The following DCSTAMP variants were observed in gnomAD, a reference collection of about 807,000 sequenced individuals.
DCSTAMP encodes dendritic cell-specific transmembrane protein.
In DCSTAMP, 25 loss-of-function variants were observed where a neutral mutation model predicts 33.8. That is an observed-to-expected ratio of 0.74 (90% CI 0.54 to 1.03). The LOEUF is 1.03. DCSTAMP is among the 50% of genes least tolerant of loss of function. DCSTAMP has a pLI of 0.00. For synonymous variants in DCSTAMP, 245 were observed against 216.7 expected, an observed-to-expected ratio of 1.13 and a Z score of -1.15; for missense variants, 531 against 556.8, an observed-to-expected ratio of 0.95 and a Z score of 0.47.
chr8:104,348,395 G>A, intron 1 of DCSTAMP, 146 bp from the exon 2 acceptor site: 1 of 779,130 alleles, frequency 1.3e-6, no homozygotes, highest in Non-Finnish European at 2.0e-6. Flanking sequence ...CAAAGAAGCT[G>A]TAAAGTCATA....
At chr8:104,355,765 A>AAC (rs1810609571) in intron 3 of DCSTAMP, among the ~76,000 whole-genome samples, 1 of 152,224 alleles carries the variant, frequency 6.6e-6, no homozygotes, top group Non-Finnish European at 1.5e-5. Flanking sequence ...TAATTCAAAG[A>AAC]ACACACATAT....
chr8:104,352,601 G>GA (rs894729976), intron 2 of DCSTAMP, among the ~76,000 whole-genome samples: 35 of 146,992 alleles, frequency 2.4e-4, no homozygotes, highest in East Asian at 5.9e-4. Flanking sequence ...AGATAGAGGG[G>GA]AAAAAAAAAA....
At position 104,349,526 on chromosome 8, in the gene DCSTAMP, G is replaced by A. The variant is rs768217007; in HGVS notation, c.974G>A (p.Ser325Asn). Residue 325 changes from serine to asparagine, a missense_variant, in exon 2 of 4, where the codon AGC becomes AAC. Ser to Asn is a conservative substitution (Grantham distance 46). Coordinates refer to ENST00000297581, the MANE Select transcript of DCSTAMP (RefSeq NM_030788.4). Reference protein sequence around the residue: ...YLLYRLIFSVSKQFQSLPGFE... With the variant: ...YLLYRLIFSVNKQFQSLPGFE... ...CTGTATCGGCTCATTTTCTCAGTGA[G>A]CAAGCAGTTTCAAAGCTTGCCAGGG... The A allele has an allele frequency of 6.2e-7, 1 of 1,614,036 alleles. No homozygotes were observed.
At chr8:104,342,908 G>T (rs566678918) in intron 1 of DCSTAMP, among the ~76,000 whole-genome samples, 29 of 152,186 alleles carry the variant, frequency 1.9e-4, no homozygotes, top group African/African-American at 1.4e-4. Flanking sequence ...AGGTATTCAC[G>T]ACTGCACGAT....
chr8:104,356,058 G>C, intron 3 of DCSTAMP, 66 bp from the exon 4 acceptor site: 1 of 1,398,000 alleles, frequency 7.2e-7, no homozygotes, highest in Non-Finnish European at 9.8e-7. Flanking sequence ...ATGAAAAATT[G>C]ATGTCAGAGG....
chr8:104,346,702 G>T (rs1810323706), intron 1 of DCSTAMP, among the ~76,000 whole-genome samples: 1 of 152,214 alleles, frequency 6.6e-6, no homozygotes, highest in Non-Finnish European at 1.5e-5. Flanking sequence ...TTTCCATTCA[G>T]ATTATATGGC....
At chr8:104,354,829 G>A (rs1322555474) in intron 2 of DCSTAMP, 48 bp from the exon 3 acceptor site, 2 of 1,280,730 alleles carry the variant, frequency 1.6e-6, no homozygotes, top group African/African-American at 2.9e-5. Flanking sequence ...GACAAGAACT[G>A]AGTACAAAAA....
chr8:104,350,935 T>C lies in DCSTAMP; in HGVS notation c.1029+1354T>C, dbSNP rs577790040. ...AGTAATTCTAATGTGCAGCCAAGAT[T>C]GAGAACCCCTGTTCTAAACCCCTCA... On this transcript the variant is annotated intron_variant, in intron 2 of 3. Coordinates refer to ENST00000297581, the MANE Select transcript of DCSTAMP (RefSeq NM_030788.4). Among the ~76,000 whole-genome samples, 13 of 152,304 alleles carry C rather than the reference T, an allele frequency of 8.5e-5. No individual in the cohort carries two copies. The East Asian group carries it at 1.3e-3, about 16-fold the overall frequency.
Position 104,348,537 on chromosome 8 carries a change from T to C in DCSTAMP, c.-12-4T>C. Reference sequence around the variant, plus strand: ...TCTGACCTTGGTTTCTTTTTCATTTTCAGGACGCAGGGAGCATGGGTATCT... The same window carrying C: ...TCTGACCTTGGTTTCTTTTTCATTTCCAGGACGCAGGGAGCATGGGTATCT... On this transcript the variant is annotated splice_region_variant and splice_polypyrimidine_tract_variant and intron_variant, in intron 1 of 3. Coordinates refer to ENST00000297581, the MANE Select transcript of DCSTAMP (RefSeq NM_030788.4). 6.3e-7 allele frequency: 1 copy of C among 1,592,538 alleles called. No individual in the cohort carries two copies.
intron 2 of DCSTAMP, among the ~76,000 whole-genome samples, chr8:104,352,894 T>A (rs777948774): frequency 1.3e-5 from 2 of 152,196 alleles, no homozygotes; most frequent in Non-Finnish European, 2.9e-5. Context: ...TCTGCATGAC[T>A]GACGATGCCC....
intron 1 of DCSTAMP, among the ~76,000 whole-genome samples, chr8:104,341,263 G>A (rs150393553): frequency 1.3e-5 from 2 of 152,358 alleles, no homozygotes; most frequent in East Asian, 1.9e-4. Context: ...TTCATGTGGA[G>A]ATTCTCATTA....
chr8:104,351,761 TA>T (rs1338125307), intron 2 of DCSTAMP, among the ~76,000 whole-genome samples: 1 of 152,142 alleles, frequency 6.6e-6, no homozygotes, highest in Non-Finnish European at 1.5e-5. Context: ...ATAATTAGCA[TA>T]TAATGAGCAG....
At position 104,355,071 on chromosome 8, in the gene DCSTAMP, C is replaced by T. The variant is rs1173913019; in HGVS notation, c.1224C>T (p.Phe408=). ...MQLKILVSAS[F]YPSVERKRIQ... Reference sequence around the variant, plus strand: ...TTAAAATCCTGGTGTCAGCATCTTTCTACCCCAGCGTGGAGAGGAAGCGCA... The same window carrying T: ...TTAAAATCCTGGTGTCAGCATCTTTTTACCCCAGCGTGGAGAGGAAGCGCA... The change falls in exon 3 of 4, where the codon TTC becomes TTT. Residue 408 remains phenylalanine, a synonymous_variant. Coordinates refer to ENST00000297581, the MANE Select transcript of DCSTAMP (RefSeq NM_030788.4). The T allele has an allele frequency of 6.2e-7, 1 of 1,613,978 alleles. No individual in the cohort carries two copies. Among genetic ancestry groups the T allele is most frequent in the Non-Finnish European group, 8.5e-7 (1 of 1,180,000 alleles).
In DCSTAMP at chr8:104,348,847, A is replaced by T; in HGVS notation, c.295A>T (p.Ile99Phe). 1 of 1,614,168 alleles carries T rather than the reference A, an allele frequency of 6.2e-7. No homozygotes were observed. The highest frequency in any genetic ancestry group is 8.5e-7 in the Non-Finnish European group (1 of 1,180,034). The change falls in exon 2 of 4, where the codon ATT (isoleucine) becomes TTT (phenylalanine). Residue 99 changes from isoleucine (I) to phenylalanine (F), a missense_variant. Ile to Phe is a conservative substitution (Grantham distance 21). Coordinates refer to ENST00000297581, the MANE Select transcript of DCSTAMP (RefSeq NM_030788.4). ...CCTGCGTGAAGGCAGGAATGCTTTGATTGCAGCTGGCACAGGGATCGTCAT... is the reference window on the plus strand; with the variant it reads ...CCTGCGTGAAGGCAGGAATGCTTTGTTTGCAGCTGGCACAGGGATCGTCAT... Reference protein sequence around the residue: ...CGLREGRNALIAAGTGIVILG... With the variant: ...CGLREGRNALFAAGTGIVILG...
chr8:104,356,457 G>A lies in DCSTAMP; in HGVS notation c.*259G>A, dbSNP rs3808401. 3.5e-6 allele frequency: 1 copy of A among 283,220 alleles called. No individual in the cohort carries two copies. Among genetic ancestry groups the A allele is most frequent in the South Asian group, 1.1e-4 (1 of 8,750 alleles). The allele number at this position is 283,220 out of a possible 1,614,324, so 17.5% of individuals were successfully genotyped here. ...TGTGTCACAATGTAACAAGACTCTA[G>A]CTGGGTCCCCTGGTGATGAGTTTCA... On this transcript the variant is annotated 3_prime_UTR_variant, in exon 4 of 4. Coordinates refer to ENST00000297581, the MANE Select transcript of DCSTAMP (RefSeq NM_030788.4).
intron 1 of DCSTAMP, among the ~76,000 whole-genome samples, chr8:104,342,767 A>G (rs538283304): frequency 6.6e-6 from 1 of 152,330 alleles, no homozygotes; most frequent in African/African-American, 2.4e-5. Context: ...CCTGGGAGAG[A>G]TGGCTAAGTT....
intron 1 of DCSTAMP, among the ~76,000 whole-genome samples, chr8:104,344,102 G>A (rs1588369719): frequency 6.6e-6 from 1 of 152,172 alleles, no homozygotes. Context: ...AAAACTGGGG[G>A]TCTCCCTCCT....
rs1255198244 is a variant in DCSTAMP at position 104,348,860 on chromosome 8, C to A, written c.308C>A (p.Thr103Lys). The change falls in exon 2 of 4, where the codon ACA becomes AAA. Residue 103 changes from threonine to lysine, a missense_variant. Thr to Lys is a moderately conservative substitution (Grantham distance 78). Coordinates refer to ENST00000297581, the MANE Select transcript of DCSTAMP (RefSeq NM_030788.4). The stretch of plus-strand genomic sequence containing the variant: ...AGGAATGCTTTGATTGCAGCTGGCA[C>A]AGGGATCGTCATCTTGGGACACGTA... ...EGRNALIAAG[T>K]GIVILGHVEN... 1 of 1,614,162 alleles carries A rather than the reference C, an allele frequency of 6.2e-7. No homozygotes were observed. The highest frequency in any genetic ancestry group is 2.2e-5 in the East Asian group (1 of 44,886).
chr8:104,350,506 T>A (rs955802175), intron 2 of DCSTAMP, among the ~76,000 whole-genome samples: 1 of 152,222 alleles, frequency 6.6e-6, no homozygotes, highest in Non-Finnish European at 1.5e-5. Context: ...AAATGGCTGG[T>A]GCTAGTAGCT....
Sources: allele counts gnomAD v4.1 joint callset (sites outside exome capture counted in the v4.1 genomes callset), GRCh38; gene constraint gnomAD v4.1.1; transcripts MANE v1.5; gene names NCBI Gene and HGNC (gene_info 2026-07-23, HGNC 2026-07-21).